The following HS3ST4 variants were observed in gnomAD, a reference collection of about 807,000 sequenced individuals.
HS3ST4 encodes heparan sulfate-glucosamine 3-sulfotransferase 4.
HS3ST4 carries 17 observed loss-of-function variants against 29.2 expected under a neutral mutation model. The observed-to-expected ratio is 0.58, with a 90% confidence interval of 0.40 to 0.87. The LOEUF is 0.87. Among genes scored for constraint, HS3ST4 ranks in the 40% least tolerant of loss-of-function variants. The pLI is 0.00. For synonymous variants in HS3ST4, 314 were observed against 285.7 expected (o/e 1.10, Z -1.00); for missense variants, 627 against 634.5 (o/e 0.99, Z 0.13).
At chr16:25,989,156 C>T (rs1364206822) in intron 1 of HS3ST4, among the ~76,000 whole-genome samples, 1 of 152,132 alleles carries the variant, frequency 6.6e-6, no homozygotes, top group Non-Finnish European at 1.5e-5. Context: ...GAACAGTGGG[C>T]CGCTTTTGAT....
chr16:25,766,266 C>T (rs1238431674), intron 1 of HS3ST4, among the ~76,000 whole-genome samples: 2 of 152,210 alleles, frequency 1.3e-5, no homozygotes, highest in East Asian at 1.9e-4. Context: ...TCCCCAATCT[C>T]CTGGCACCCA....
At chr16:25,719,220 A>G (rs1456520862) in intron 1 of HS3ST4, among the ~76,000 whole-genome samples, 3 of 152,242 alleles carry the variant, frequency 2.0e-5, no homozygotes, top group Non-Finnish European at 2.9e-5. Context: ...GTTCTCAGGA[A>G]GTTGCTGGGG....
At chr16:25,738,321 C>G (rs566368157) in intron 1 of HS3ST4, among the ~76,000 whole-genome samples, 1 of 152,336 alleles carries the variant, frequency 6.6e-6, no homozygotes, top group East Asian at 1.9e-4. Context: ...CAGCGCAGCT[C>G]TTACCTCTTT....
chr16:25,754,993 C>T (rs934916010), intron 1 of HS3ST4, among the ~76,000 whole-genome samples: 1 of 151,960 alleles, frequency 6.6e-6, no homozygotes, highest in Non-Finnish European at 1.5e-5. Context: ...AGTCATCCAT[C>T]CATCTACCCA....
chr16:26,085,348 A>G (rs1898774097), intron 1 of HS3ST4, among the ~76,000 whole-genome samples: 1 of 152,210 alleles, frequency 6.6e-6, no homozygotes, highest in African/African-American at 2.4e-5. Context: ...TTTCTATTAC[A>G]TACCAGGCCC....
chr16:26,130,355 C>A (rs1899401007), intron 1 of HS3ST4, among the ~76,000 whole-genome samples: 1 of 152,162 alleles, frequency 6.6e-6, no homozygotes, highest in South Asian at 2.1e-4. Flanking sequence ...GCATGGAACA[C>A]CTACTTAGAT....
At chr16:25,742,433 G>GA (rs1491516075) in intron 1 of HS3ST4, among the ~76,000 whole-genome samples, 1 of 151,838 alleles carries the variant, frequency 6.6e-6, no homozygotes, top group African/African-American at 2.4e-5. Context: ...GTGATCAGGG[G>GA]AATAGACTGT....
intron 1 of HS3ST4, among the ~76,000 whole-genome samples, chr16:25,794,689 T>C (rs1966877996): frequency 6.6e-6 from 1 of 152,138 alleles, no homozygotes; most frequent in African/African-American, 2.4e-5. Context: ...TGTTTCATTT[T>C]CAGCAGTTTA....
chr16:25,837,701 C>G (rs1041932102), intron 1 of HS3ST4, among the ~76,000 whole-genome samples: 1 of 151,944 alleles, frequency 6.6e-6, no homozygotes, highest in Non-Finnish European at 1.5e-5. Context: ...AATGCACTGA[C>G]AGGTCTCACT....
intron 1 of HS3ST4, among the ~76,000 whole-genome samples, chr16:25,915,679 C>T (rs1968286885): frequency 6.6e-6 from 1 of 152,132 alleles, no homozygotes; most frequent in Admixed American, 6.5e-5. Flanking sequence ...ATTATACATA[C>T]ACATAAAATG....
At chr16:25,962,280 T>C (rs969708187) in intron 1 of HS3ST4, among the ~76,000 whole-genome samples, 3 of 152,066 alleles carry the variant, frequency 2.0e-5, no homozygotes, top group African/African-American at 7.2e-5. Flanking sequence ...AGGAAATCCA[T>C]CTTGAAAAAT....
At chr16:26,109,528 G>C (rs1899099952) in intron 1 of HS3ST4, among the ~76,000 whole-genome samples, 4 of 152,128 alleles carry the variant, frequency 2.6e-5, no homozygotes, top group Admixed American at 2.6e-4. Context: ...GCATGGCTGG[G>C]GAAGAAATGT....
At chr16:25,907,214 A>G (rs773405434) in intron 1 of HS3ST4, among the ~76,000 whole-genome samples, 2 of 152,150 alleles carry the variant, frequency 1.3e-5, no homozygotes, top group South Asian at 4.1e-4. Flanking sequence ...TAAAATTAAA[A>G]TAAAAAAAGA....
chr16:26,026,045 A>G (rs190645040), intron 1 of HS3ST4, among the ~76,000 whole-genome samples: 96 of 152,220 alleles, frequency 6.3e-4, no homozygotes, highest in African/African-American at 2.2e-3. Flanking sequence ...AGTAGCTGGG[A>G]CTACAGGCGT....
At chr16:25,853,212 G>A in intron 1 of HS3ST4, among the ~76,000 whole-genome samples, 1 of 151,826 alleles carries the variant, frequency 6.6e-6, no homozygotes, top group East Asian at 1.9e-4. Flanking sequence ...AAATGCAACT[G>A]ATTTTCGTAT....
intron 1 of HS3ST4, among the ~76,000 whole-genome samples, chr16:26,019,581 G>A (rs1335731290): frequency 6.6e-6 from 1 of 152,066 alleles, no homozygotes; most frequent in Admixed American, 6.5e-5. Context: ...ACAGAGTGAT[G>A]GGGACTGGCA....
chr16:25,851,866 C>T (rs1243081253), intron 1 of HS3ST4, among the ~76,000 whole-genome samples: 2 of 5,478 alleles, frequency 3.7e-4, no homozygotes, highest in Admixed American at 1.6e-3. Flanking sequence ...AAACGCCTAA[C>T]GACACTTTCG....
intron 1 of HS3ST4, among the ~76,000 whole-genome samples, chr16:25,815,459 G>A (rs983182024): frequency 8.5e-5 from 13 of 152,090 alleles, no homozygotes; most frequent in Non-Finnish European, 1.5e-5. Flanking sequence ...GAGTAGCTGG[G>A]ATTACAGGCA....
intron 1 of HS3ST4, among the ~76,000 whole-genome samples, chr16:25,852,901 A>C (rs1391348779): frequency 6.6e-6 from 1 of 152,182 alleles, no homozygotes; most frequent in Non-Finnish European, 1.5e-5. Flanking sequence ...GTGAAGGATG[A>C]ATCTTGTACT....
Sources: gnomAD v4.1 joint callset for allele counts (sites outside exome capture counted in the v4.1 genomes callset) on GRCh38, gnomAD v4.1.1 for gene constraint, MANE v1.5 for transcripts, NCBI Gene and HGNC (gene_info 2026-07-23, HGNC 2026-07-21) for gene names.